The following ANKRD11 variants were observed in gnomAD, a reference collection of about 807,000 sequenced individuals.
ANKRD11 encodes the protein ankyrin repeat domain 11.
Under a neutral mutation model 195.7 loss-of-function variants are expected in ANKRD11, and 17 were observed. The observed-to-expected ratio is 0.09, with a 90% confidence interval of 0.06 to 0.13. The LOEUF (loss-of-function observed/expected upper bound fraction) is 0.13. Ranked by LOEUF, ANKRD11 falls within the 10% of genes least tolerant of loss-of-function variation. The probability of loss-of-function intolerance (pLI) is 1.00; values close to 1 mark genes in which losing one functional copy is unlikely to be tolerated. For synonymous variants in ANKRD11, 1,953 were observed against 1,528.1 expected (o/e 1.28, Z -6.49); for missense variants, 3,735 against 3,566.1 (o/e 1.05, Z -1.21).
chr16:89,467,802 T>C (rs1471245623), intron 1 of ANKRD11, among the ~76,000 whole-genome samples: 2 of 152,236 alleles, frequency 1.3e-5, no homozygotes, highest in African/African-American at 4.8e-5. Flanking sequence ...CACAGTGTTT[T>C]GTTTTGTTTG....
At position 89,386,630 on chromosome 16, in the gene ANKRD11, G is replaced by T. The variant is rs999951929; in HGVS notation, c.-60+31654C>A. Among the ~76,000 whole-genome samples, 4 of 152,204 alleles carry T rather than the reference G, an allele frequency of 2.6e-5. No individual in the cohort carries two copies. In the South Asian group the frequency reaches 8.3e-4, roughly 32 times the overall value. On this transcript the variant is annotated intron_variant, in intron 2 of 12. Coordinates refer to ENST00000301030, the MANE Select transcript of ANKRD11 (RefSeq NM_013275.6). The stretch of plus-strand genomic sequence containing the variant: ...ACCCTACAGGACACGAGTCAAGACA[G>T]AATCACAAATCTCTTCTCGTCCAGG...
chr16:89,442,938 A>G (rs926462498), intron 1 of ANKRD11, among the ~76,000 whole-genome samples: 1 of 152,184 alleles, frequency 6.6e-6, no homozygotes, highest in African/African-American at 2.4e-5. Flanking sequence ...CATTAGACAT[A>G]AGCAAGGATT....
At chr16:89,293,339 G>A (rs2035187857) in intron 4 of ANKRD11, among the ~76,000 whole-genome samples, 1 of 152,170 alleles carries the variant, frequency 6.6e-6, no homozygotes, top group African/African-American at 2.4e-5. Flanking sequence ...TGAAAAGCGA[G>A]TGGGCCCCAC....
At chr16:89,325,068 C>T (rs181471844) in intron 2 of ANKRD11, 146 of 154,182 alleles carry the variant, frequency 9.5e-4, no homozygotes, top group Middle Eastern at 3.3e-3. Context: ...CAAGTATGCC[C>T]TATAGCCCAG....
chr16:89,484,321 C>T (rs1174466054), intron 1 of ANKRD11, among the ~76,000 whole-genome samples: 1 of 152,158 alleles, frequency 6.6e-6, no homozygotes, highest in Admixed American at 6.5e-5. Flanking sequence ...TAAGGTCCTT[C>T]ACTGCGTCTT....
intron 2 of ANKRD11, chr16:89,328,905 G>A (rs1355185092): frequency 9.0e-6 from 1 of 110,668 alleles, no homozygotes; most frequent in African/African-American, 3.8e-5. Context: ...GAGCACGGGC[G>A]AAATCAGTGG....
chr16:89,291,299 C>G lies in ANKRD11; in HGVS notation c.227-116G>C, dbSNP rs983837521. 11 of 1,327,294 alleles carry G rather than the reference C, an allele frequency of 8.3e-6. No homozygotes were observed. Among genetic ancestry groups the G allele is most frequent in the African/African-American group, 1.5e-5 (1 of 68,828 alleles). 82.2% of individuals were successfully genotyped at this position (1,327,294 alleles called of 1,614,324 possible). A position where few individuals can be genotyped will look rare whatever the true frequency, so the allele number is the denominator to read the frequency against. On this transcript the variant is annotated intron_variant, in intron 4 of 12. Transcript: ENST00000301030. This position sits in a 1 kb window ranked among gnomAD's most constrained non-coding sequence, Gnocchi z 5.3. ...TGCGTCCACCTGACAGCTGACAGAG[C>G]AGAAAGGAAGGTCTGTGTATGGGGA...
At chr16:89,449,413 C>T (rs2043959792) in intron 1 of ANKRD11, among the ~76,000 whole-genome samples, 1 of 151,860 alleles carries the variant, frequency 6.6e-6, no homozygotes, top group Non-Finnish European at 1.5e-5. Context: ...TATCATGGGG[C>T]AAATTTAAAC....
intron 2 of ANKRD11, chr16:89,323,296 GAC>G: frequency 1.6e-6 from 2 of 1,288,928 alleles, no homozygotes; most frequent in Non-Finnish European, 2.0e-6. Context: ...GCCCTTGAGT[GAC>G]ACACCCTATG....
chr16:89,431,876 T>A (rs1161433156), intron 1 of ANKRD11, among the ~76,000 whole-genome samples: 2 of 152,144 alleles, frequency 1.3e-5, no homozygotes, highest in East Asian at 1.9e-4. Context: ...CCTTCCTGTA[T>A]CCCCTGCCTT....
At chr16:89,388,228 C>T (rs953220763) in intron 2 of ANKRD11, among the ~76,000 whole-genome samples, 1 of 151,832 alleles carries the variant, frequency 6.6e-6, no homozygotes, top group African/African-American at 2.4e-5. Flanking sequence ...CTGACTCCGA[C>T]GCAATCACCC....
intron 6 of ANKRD11, chr16:89,289,070 G>A (rs1360923453): frequency 3.2e-6 from 1 of 313,992 alleles, no homozygotes; most frequent in Non-Finnish European, 6.2e-6. Context: ...CCAAGGCTGA[G>A]AGCCTCCTGA....
chr16:89,439,058 A>C (rs77023554), intron 1 of ANKRD11, among the ~76,000 whole-genome samples: 2,081 of 152,130 alleles, frequency 0.014, 38 homozygotes, highest in African/African-American at 0.047. Context: ...AAAACCAAAA[A>C]AAAAAAAGAA....
In ANKRD11 at chr16:89,302,054, T is replaced by A. The variant is rs183225581; in HGVS notation, c.226+3152A>T. Among the ~76,000 whole-genome samples the A allele has an allele frequency of 8.1e-4, 124 of 152,314 alleles. 1 individual carries two copies. Among genetic ancestry groups the A allele is most frequent in the African/African-American group, 2.6e-3 (110 of 41,570 alleles). Reference sequence around the variant, plus strand: ...CTGCTGGGGACCAGAGAAGAGTCTCTTGTCTGTCACGTGTCAGTTAACCCT... The same window carrying A: ...CTGCTGGGGACCAGAGAAGAGTCTCATGTCTGTCACGTGTCAGTTAACCCT... On this transcript the variant is annotated intron_variant, in intron 4 of 12. Coordinates refer to ENST00000301030, the MANE Select transcript of ANKRD11 (RefSeq NM_013275.6).
intron 1 of ANKRD11, among the ~76,000 whole-genome samples, chr16:89,430,665 C>T (rs2042939521): frequency 6.6e-6 from 1 of 152,264 alleles, no homozygotes; most frequent in South Asian, 2.1e-4. Context: ...GATTGGCAGG[C>T]ATTCCACACT....
At position 89,320,774 on chromosome 16, in the gene ANKRD11, C is replaced by T. The variant is rs553813760; in HGVS notation, c.-59-3696G>A. Among the ~76,000 whole-genome samples, 11 of 152,380 alleles carry T rather than the reference C, an allele frequency of 7.2e-5. 1 individual carries two copies. The South Asian group carries it at 2.1e-3, about 29-fold the overall frequency. On this transcript the variant is annotated intron_variant, in intron 2 of 12. Transcript: ENST00000301030. ...AGCCCAGCGGAGTGGACAGTGTCTGCGGCCAGCTCTGGGATCCAGGGCCAG... is the reference window on the plus strand; with the variant it reads ...AGCCCAGCGGAGTGGACAGTGTCTGTGGCCAGCTCTGGGATCCAGGGCCAG...
At chr16:89,451,949 T>G (rs2044094840) in intron 1 of ANKRD11, among the ~76,000 whole-genome samples, 1 of 152,154 alleles carries the variant, frequency 6.6e-6, no homozygotes, top group South Asian at 2.1e-4. Flanking sequence ...GTTCAAAATT[T>G]AACCTCTGGT....
At chr16:89,369,315 C>A (rs184468534) in intron 2 of ANKRD11, among the ~76,000 whole-genome samples, 1 of 152,224 alleles carries the variant, frequency 6.6e-6, no homozygotes, top group African/African-American at 2.4e-5. Context: ...GTGTTCACAG[C>A]AGCGCTGCAA....
rs547532825 is a variant in ANKRD11, at chr16:89,302,967, C to T, written c.226+2239G>A. 7.2e-5 allele frequency among the ~76,000 whole-genome samples: 11 copies of T among 152,250 alleles called. No individual in the cohort carries two copies. In the South Asian group the frequency reaches 1.0e-3, roughly 14 times the overall value. ...CAGTGGGCCAGCACGGCTGGCACCA[C>T]GCAGGCGCTAACCATCAACAGACAG... On this transcript the variant is annotated intron_variant, in intron 4 of 12. Transcript: ENST00000301030.
Sources: allele counts gnomAD v4.1 joint callset (sites outside exome capture counted in the v4.1 genomes callset), GRCh38; gene constraint gnomAD v4.1.1; non-coding constraint Gnocchi (gnomAD v3.1); transcripts MANE v1.5; gene names NCBI Gene and HGNC (gene_info 2026-07-23, HGNC 2026-07-21).